Variants in HECW1 observed in about 807,000 individuals in gnomAD.
The protein encoded by HECW1 is E3 ubiquitin-protein ligase HECW1.
In HECW1, 61 loss-of-function variants were observed where a neutral mutation model predicts 182.3. That is an observed-to-expected ratio of 0.33 (90% CI 0.27 to 0.41). The LOEUF (loss-of-function observed/expected upper bound fraction) is 0.41. Ranked by LOEUF, HECW1 falls within the 10% of genes least tolerant of loss-of-function variation. HECW1 has a pLI of 1.00. For synonymous variants in HECW1, 859 were observed against 832.6 expected, an observed-to-expected ratio of 1.03 and a Z score of -0.55; for missense variants, 1,739 against 2,108.9, an observed-to-expected ratio of 0.82 and a Z score of 3.44.
intron 2 of HECW1, among the ~76,000 whole-genome samples, chr7:43,127,428 CA>C (rs1786374887): frequency 7.0e-6 from 1 of 142,822 alleles, no homozygotes; most frequent in Non-Finnish European, 1.5e-5. Context: ...GAGGCTGAAA[CA>C]GGAGAATCGC....
intron 21 of HECW1, among the ~76,000 whole-genome samples, chr7:43,506,895 C>T (rs1054969990): frequency 6.6e-6 from 1 of 152,154 alleles, no homozygotes; most frequent in Admixed American, 6.5e-5. Context: ...GGTGAAACCC[C>T]GTCTGTACTA....
At chr7:43,455,681 T>C (rs1047390063) in intron 12 of HECW1, among the ~76,000 whole-genome samples, 1 of 152,192 alleles carries the variant, frequency 6.6e-6, no homozygotes, top group African/African-American at 2.4e-5. Context: ...ATTATTAGAA[T>C]TTTTGTATTC....
chr7:43,342,105 A>G (rs937320849), intron 5 of HECW1, among the ~76,000 whole-genome samples: 1 of 151,906 alleles, frequency 6.6e-6, no homozygotes, highest in African/African-American at 2.4e-5. Flanking sequence ...GGTGTTGGTT[A>G]AAAACCAGAC....
intron 11 of HECW1, among the ~76,000 whole-genome samples, chr7:43,448,963 CCATT>C (rs1410844118): frequency 6.6e-6 from 1 of 152,180 alleles, no homozygotes; most frequent in African/African-American, 2.4e-5. Flanking sequence ...GTGCCTCCAT[CCATT>C]CAGTCGGCTG....
intron 8 of HECW1, among the ~76,000 whole-genome samples, chr7:43,418,296 G>T (rs541433603): frequency 2.0e-5 from 3 of 152,194 alleles, no homozygotes; most frequent in Non-Finnish European, 4.4e-5. Flanking sequence ...CATACCTGTT[G>T]AGGGACACAA....
At chr7:43,379,718 A>C (rs1001462259) in intron 6 of HECW1, among the ~76,000 whole-genome samples, 8 of 151,848 alleles carry the variant, frequency 5.3e-5, no homozygotes, top group African/African-American at 1.9e-4. Flanking sequence ...CCAAATAAAT[A>C]ATTCACTCCC....
At chr7:43,271,653 G>A (rs944451290) in intron 3 of HECW1, among the ~76,000 whole-genome samples, 2 of 152,192 alleles carry the variant, frequency 1.3e-5, no homozygotes, top group Admixed American at 1.3e-4. Flanking sequence ...AGAAGTGAAA[G>A]ATTTGTACAA....
rs184662248 is a variant in HECW1, at chr7:43,478,007, G to T, written c.3100-1603G>T. Among the ~76,000 whole-genome samples the T allele has an allele frequency of 2.4e-4, 36 of 150,886 alleles. No homozygotes were observed. The East Asian group carries it at 6.8e-3, about 28-fold the overall frequency. On this transcript the variant is annotated intron_variant, in intron 16 of 29. Coordinates refer to ENST00000395891, the MANE Select transcript of HECW1 (RefSeq NM_015052.5). ...GTTGTCTTATGGTACAAAGGGTTTT[G>T]TTGAAAAAAAAGGTAATAACTTTCT...
chr7:43,512,344 G>A (rs2079916934), intron 24 of HECW1, among the ~76,000 whole-genome samples: 1 of 152,214 alleles, frequency 6.6e-6, no homozygotes, highest in Non-Finnish European at 1.5e-5. Context: ...TCTGGAATCA[G>A]AGATAAGCAT....
chr7:43,372,651 T>G (rs1454618300), intron 6 of HECW1, among the ~76,000 whole-genome samples: 1 of 151,572 alleles, frequency 6.6e-6, no homozygotes, highest in African/African-American at 2.4e-5. Flanking sequence ...TATTTTAACA[T>G]CTATAATTTT....
intron 2 of HECW1, among the ~76,000 whole-genome samples, chr7:43,123,555 C>T (rs143785540): frequency 7.6e-4 from 116 of 152,318 alleles, no homozygotes; most frequent in African/African-American, 2.6e-3. Context: ...TAATGAAAAG[C>T]TGTGTCCTTG....
chr7:43,508,390 C>A (rs1251094857), intron 23 of HECW1, among the ~76,000 whole-genome samples: 2 of 152,130 alleles, frequency 1.3e-5, no homozygotes, highest in Non-Finnish European at 2.9e-5. Flanking sequence ...TGAATCTTTC[C>A]TTTTTAGGTG....
At chr7:43,204,941 A>T (rs1795327323) in intron 2 of HECW1, among the ~76,000 whole-genome samples, 1 of 152,150 alleles carries the variant, frequency 6.6e-6, no homozygotes. Flanking sequence ...TGGCTCCCAC[A>T]TACTTGATGG....
chr7:43,188,745 G>A (rs1382933767), intron 2 of HECW1, among the ~76,000 whole-genome samples: 1 of 152,156 alleles, frequency 6.6e-6, no homozygotes, highest in Non-Finnish European at 1.5e-5. Context: ...TGAGACTCCT[G>A]CCCCCGTGCC....
chr7:43,367,276 C>T (rs1161679487), intron 6 of HECW1, among the ~76,000 whole-genome samples: 3 of 152,150 alleles, frequency 2.0e-5, no homozygotes, highest in Non-Finnish European at 4.4e-5. Flanking sequence ...CTATTACATC[C>T]AGAATTTATT....
intron 16 of HECW1, among the ~76,000 whole-genome samples, chr7:43,477,709 T>C (rs1418871532): frequency 6.6e-6 from 1 of 152,086 alleles, no homozygotes; most frequent in African/African-American, 2.4e-5. Flanking sequence ...TTTACCTTTT[T>C]CCTGGGGGGT....
At chr7:43,241,098 C>G (rs569440325) in intron 2 of HECW1, 1 of 152,222 alleles carries the variant, frequency 6.6e-6, no homozygotes, top group Non-Finnish European at 1.5e-5. Flanking sequence ...CTGTCCCTTG[C>G]CATTTCCTGG....
intron 2 of HECW1, among the ~76,000 whole-genome samples, chr7:43,164,736 C>T (rs763107975): frequency 2.6e-5 from 4 of 152,184 alleles, no homozygotes; most frequent in South Asian, 2.1e-4. Flanking sequence ...GGACAGAGAG[C>T]GCCACATCCT....
In HECW1 at chr7:43,519,577, C is replaced by T. The variant is rs148170855; in HGVS notation, c.4019+10456C>T. Among the ~76,000 whole-genome samples, 161 of 152,198 alleles carry T rather than the reference C, an allele frequency of 1.1e-3. 1 individual carries two copies. Among genetic ancestry groups the T allele is most frequent in the African/African-American group, 3.5e-3 (146 of 41,538 alleles). ...ACTTTTAAAAGCTATGCTGGACTGCCGCACAAAACACCCAGGTGTGTTTAT... is the reference window on the plus strand; with the variant it reads ...ACTTTTAAAAGCTATGCTGGACTGCTGCACAAAACACCCAGGTGTGTTTAT... On this transcript the variant is annotated intron_variant, in intron 24 of 29. Coordinates refer to ENST00000395891, the MANE Select transcript of HECW1 (RefSeq NM_015052.5).
Sources: gnomAD v4.1 joint callset for allele counts (sites outside exome capture counted in the v4.1 genomes callset) on GRCh38, gnomAD v4.1.1 for gene constraint, MANE v1.5 for transcripts, NCBI Gene and HGNC (gene_info 2026-07-23, HGNC 2026-07-21) for gene names.